The following NAALADL2 variants were observed in gnomAD, a reference collection of about 807,000 sequenced individuals.
NAALADL2 encodes N-acetylated alpha-linked acidic dipeptidase like 2, also known as inactive N-acetylated-alpha-linked acidic dipeptidase-like protein 2.
A neutral mutation model predicts 87.2 loss-of-function variants in NAALADL2; 76 were observed. That is an observed-to-expected ratio of 0.87 (90% confidence interval 0.72 to 1.05). The LOEUF (loss-of-function observed/expected upper bound fraction) is 1.05, where lower values mean the gene tolerates loss of function less well. NAALADL2 is among the 50% of genes least tolerant of loss of function. The pLI, the probability that NAALADL2 is intolerant of heterozygous loss-of-function variation, is 0.00. For synonymous variants in NAALADL2, 354 were observed against 331.0 expected, an observed-to-expected ratio of 1.07 and a Z score of -0.75; for missense variants, 1,089 against 945.8, an observed-to-expected ratio of 1.15 and a Z score of -1.99.
intron 1 of NAALADL2, among the ~76,000 whole-genome samples, chr3:175,022,114 A>T (rs1751637721): frequency 6.6e-6 from 1 of 151,988 alleles, no homozygotes; most frequent in Non-Finnish European, 1.5e-5. Flanking sequence ...TTCAACTTGC[A>T]CTATAACTGA....
chr3:174,908,659 GAAGTT>G (rs753622414), intron 1 of NAALADL2, among the ~76,000 whole-genome samples: 1 of 152,050 alleles, frequency 6.6e-6, no homozygotes, highest in Non-Finnish European at 1.5e-5. Context: ...AATAGGATCT[GAAGTT>G]AATTTAATAA....
At chr3:175,453,003 T>C (rs1329720612) in intron 6 of NAALADL2, among the ~76,000 whole-genome samples, 3 of 152,140 alleles carry the variant, frequency 2.0e-5, no homozygotes, top group African/African-American at 4.8e-5. Flanking sequence ...ATTTTAGAAA[T>C]GATTCAGCTG....
chr3:175,497,051 A>G (rs1235042562), intron 9 of NAALADL2, among the ~76,000 whole-genome samples: 7 of 152,026 alleles, frequency 4.6e-5, no homozygotes, highest in Non-Finnish European at 8.8e-5. Flanking sequence ...ATACAAACCA[A>G]ATGGCGTGTA....
chr3:175,338,022 T>C (rs1048985850), intron 5 of NAALADL2, among the ~76,000 whole-genome samples: 5 of 152,002 alleles, frequency 3.3e-5, no homozygotes, highest in Non-Finnish European at 7.4e-5. Context: ...CAGAACAAAC[T>C]GAACTTTCAC....
At chr3:174,809,958 C>A (rs560109257) in intron 3 of NAALADL2, among the ~76,000 whole-genome samples, 1 of 152,080 alleles carries the variant, frequency 6.6e-6, no homozygotes, top group Admixed American at 6.5e-5. Context: ...GCACCTCCCC[C>A]CTCTCTTGGT....
At chr3:175,747,419 C>T (rs1322536694) in intron 12 of NAALADL2, among the ~76,000 whole-genome samples, 1 of 152,108 alleles carries the variant, frequency 6.6e-6, no homozygotes, top group Non-Finnish European at 1.5e-5. Context: ...ATAGTAATGG[C>T]CTATTCTATT....
chr3:174,712,380 CTTTT>C (rs1169827021), intron 2 of NAALADL2, among the ~76,000 whole-genome samples: 4 of 70,432 alleles, frequency 5.7e-5, no homozygotes, highest in African/African-American at 1.8e-4. Flanking sequence ...TTCTCCTCTT[CTTTT>C]TTTTTTTTTT....
chr3:174,860,744 T>C (rs1185223158), intron 1 of NAALADL2, among the ~76,000 whole-genome samples: 3 of 152,118 alleles, frequency 2.0e-5, no homozygotes, highest in Non-Finnish European at 4.4e-5. Flanking sequence ...ATTTCACTCA[T>C]TATCCCTCTT....
chr3:174,816,419 T>TGCGC (rs1720823256), intron 3 of NAALADL2, among the ~76,000 whole-genome samples: 1 of 149,432 alleles, frequency 6.7e-6, no homozygotes. Flanking sequence ...TGTGCGTGTG[T>TGCGC]GTGTGTGTGT....
At chr3:174,786,189 G>C (rs1428589374) in intron 3 of NAALADL2, among the ~76,000 whole-genome samples, 1 of 152,058 alleles carries the variant, frequency 6.6e-6, no homozygotes, top group Non-Finnish European at 1.5e-5. Context: ...GGTGACTCAC[G>C]CCTGTAATCA....
At chr3:175,149,905 G>A (rs556010434) in intron 2 of NAALADL2, among the ~76,000 whole-genome samples, 14 of 152,118 alleles carry the variant, frequency 9.2e-5, no homozygotes, top group Non-Finnish European at 2.1e-4. Flanking sequence ...GGCCAGGTTT[G>A]TGCAATGCTC....
At chr3:175,580,783 T>G (rs1719650190) in intron 10 of NAALADL2, among the ~76,000 whole-genome samples, 1 of 152,126 alleles carries the variant, frequency 6.6e-6, no homozygotes, top group African/African-American at 2.4e-5. Context: ...ATATGGTATT[T>G]AGATATATGT....
At chr3:174,912,756 G>C (rs1258900047) in intron 1 of NAALADL2, among the ~76,000 whole-genome samples, 2 of 152,100 alleles carry the variant, frequency 1.3e-5, no homozygotes, top group Non-Finnish European at 2.9e-5. Context: ...CACAAATTTA[G>C]AATTATATAT....
intron 1 of NAALADL2, among the ~76,000 whole-genome samples, chr3:174,533,084 T>C (rs1013832680): frequency 1.5e-4 from 19 of 124,528 alleles, no homozygotes; most frequent in African/African-American, 5.9e-4. Flanking sequence ...CTCTCCACTT[T>C]CTTTTACGTG....
intron 5 of NAALADL2, among the ~76,000 whole-genome samples, chr3:175,366,908 G>T (rs1406863791): frequency 2.6e-5 from 4 of 151,594 alleles, no homozygotes; most frequent in African/African-American, 4.9e-5. Flanking sequence ...CATTGCTTTT[G>T]GTGTTTTAGA....
At chr3:174,763,842 A>AC (rs2109082354) in intron 3 of NAALADL2, among the ~76,000 whole-genome samples, 1 of 147,394 alleles carries the variant, frequency 6.8e-6, no homozygotes, top group Non-Finnish European at 1.5e-5. Context: ...AAAAAAAAAA[A>AC]CAAACAAAAT....
chr3:175,559,248 T>C (rs1715861045), intron 9 of NAALADL2, among the ~76,000 whole-genome samples: 3 of 151,102 alleles, frequency 2.0e-5, no homozygotes, highest in Admixed American at 2.0e-4. Flanking sequence ...CATATAGAAA[T>C]GCTACTAATT....
intron 1 of NAALADL2, among the ~76,000 whole-genome samples, chr3:174,896,840 G>A (rs1044828876): frequency 2.6e-5 from 4 of 152,010 alleles, no homozygotes; most frequent in Non-Finnish European, 4.4e-5. Flanking sequence ...TAGACCAATG[G>A]AACACAATAG....
chr3:175,163,985 G>T lies in NAALADL2; in HGVS notation c.545+66694G>T, dbSNP rs184667654. Among the ~76,000 whole-genome samples the T allele has an allele frequency of 3.1e-4, 47 of 152,288 alleles. 1 individual carries two copies. The East Asian group carries it at 3.7e-3, about 12-fold the overall frequency. On this transcript the variant is annotated intron_variant, in intron 2 of 13. Coordinates refer to ENST00000454872, the MANE Select transcript of NAALADL2 (RefSeq NM_207015.3). ...GGCATTTTGCCGGGAATATCTAGTTGTATTGAAGTTCATAAAGTAAACACT... is the reference window on the plus strand; with the variant it reads ...GGCATTTTGCCGGGAATATCTAGTTTTATTGAAGTTCATAAAGTAAACACT...
Sources: allele counts gnomAD v4.1 joint callset (sites outside exome capture counted in the v4.1 genomes callset), GRCh38; gene constraint gnomAD v4.1.1; transcripts MANE v1.5; gene names NCBI Gene and HGNC (gene_info 2026-07-23, HGNC 2026-07-21).